Variants in CTSV observed in about 807,000 individuals in gnomAD.
CTSV encodes cathepsin V.
CTSV carries 33 observed loss-of-function variants against 35.6 expected under a neutral mutation model. That is an observed-to-expected ratio of 0.93 (90% CI 0.70 to 1.24). The LOEUF is 1.24. CTSV is among the 50% of genes most tolerant of loss of function. The probability of loss-of-function intolerance (pLI) is 0.00; values close to 1 mark genes in which losing one functional copy is unlikely to be tolerated. For synonymous variants in CTSV, 154 were observed against 147.1 expected (o/e 1.05, Z -0.34); for missense variants, 408 against 413.1 (o/e 0.99, Z 0.11).
rs762357078 is a variant in CTSV, at chr9:97,035,623, C to G, written c.692G>C (p.Gly231Ala). Residue 231 changes from glycine (G) to alanine (A), a missense_variant, in exon 6 of 8, where the codon GGA becomes GCA. Transcript: ENST00000259470. ...TGCTTTCATCAGGGCCTTCTCCTTT[C>G]CAGGTGCGACCACTGTGAAGCCAGT... ...NDTGFTVVAP[G>A]KEKALMKAVA... 1 of 1,605,248 alleles carries G rather than the reference C, an allele frequency of 6.2e-7. No individual in the cohort carries two copies. Among genetic ancestry groups the G allele is most frequent in the South Asian group, 1.1e-5 (1 of 89,698 alleles).
Position 97,035,531 on chromosome 9 carries a change from A to T in CTSV, c.784T>A (p.Ser262Thr). 6.6e-7 allele frequency: 1 copy of T among 1,525,090 alleles called. No individual in the cohort carries two copies. The highest frequency in any genetic ancestry group is 8.8e-7 in the Non-Finnish European group (1 of 1,130,596). 94.5% of individuals were successfully genotyped at this position (1,525,090 alleles called of 1,614,324 possible). ...AGHSSFQFYK[S>T]GIYFEPDCSS... Reference sequence around the variant, plus strand: ...TCTATAATAAAATGACACTTACCTGATTTGTAGAACTGGAAGGACGAATGG... The same window carrying T: ...TCTATAATAAAATGACACTTACCTGTTTTGTAGAACTGGAAGGACGAATGG... Residue 262 changes from serine (S) to threonine (T), a missense_variant, in exon 6 of 8, where the codon TCA (serine) becomes ACA (threonine). Ser to Thr is a moderately conservative substitution (Grantham distance 58). Coordinates refer to ENST00000259470, the MANE Select transcript of CTSV (RefSeq NM_001333.4).
chr9:97,033,371 G>A (rs1160960861), intron 7 of CTSV, among the ~76,000 whole-genome samples: 1 of 151,746 alleles, frequency 6.6e-6, no homozygotes, highest in Non-Finnish European at 1.5e-5. Context: ...CACTTTGGGA[G>A]GCTGAGGCGG....
At position 97,035,528 on chromosome 9, in the gene CTSV, C is replaced by A; in HGVS notation, c.787G>T (p.Gly263Cys). The change falls in exon 6 of 8, where the codon GGC becomes TGC. Residue 263 changes from glycine to cysteine, a missense_variant and splice_region_variant. Physicochemically the swap from Gly to Cys is radical, Grantham distance 159. Transcript: ENST00000259470. Reference protein sequence around the residue: ...GHSSFQFYKSGIYFEPDCSSK... With the variant: ...GHSSFQFYKSCIYFEPDCSSK... ...ATTTCTATAATAAAATGACACTTACCTGATTTGTAGAACTGGAAGGACGAA... is the reference window on the plus strand; with the variant it reads ...ATTTCTATAATAAAATGACACTTACATGATTTGTAGAACTGGAAGGACGAA... 6.7e-7 allele frequency: 1 copy of A among 1,500,522 alleles called. No homozygotes were observed. The highest frequency in any genetic ancestry group is 9.0e-7 in the Non-Finnish European group (1 of 1,116,972). 93.0% of individuals were successfully genotyped at this position (1,500,522 alleles called of 1,614,324 possible).
At chr9:97,039,519 A>G (rs1286491844), upstream of CTSV, 1 of 152,396 alleles carries the variant, frequency 6.6e-6, no homozygotes, top group Admixed American at 6.5e-5. Context: ...GCCGGGAGCC[A>G]GGGTACTCTC....
chr9:97,034,815 G>A lies in CTSV; in HGVS notation c.816C>T (p.Ser272=), dbSNP rs1828818292. 1 of 1,613,910 alleles carries A rather than the reference G, an allele frequency of 6.2e-7. No individual in the cohort carries two copies. The highest frequency in any genetic ancestry group is 8.5e-7 in the Non-Finnish European group (1 of 1,180,006). ...SGIYFEPDCS[S]KNLDHGVLVV... ...CCAGAACACCATGATCCAGGTTTTT[G>A]CTGCTGCAGTCTGGTTCAAAATAAA... is the stretch of plus-strand genomic sequence containing the variant. Residue 272 remains serine (S), a synonymous_variant, in exon 7 of 8, where the codon AGC becomes AGT. Coordinates refer to ENST00000259470, the MANE Select transcript of CTSV (RefSeq NM_001333.4).
chr9:97,039,607 C>T (rs763098892), upstream of CTSV: 2 of 152,018 alleles, frequency 1.3e-5, no homozygotes, highest in Non-Finnish European at 2.9e-5. Context: ...GAAGCATTAC[C>T]TTCCACTTAA....
intron 6 of CTSV, 21 bp downstream of exon 6, chr9:97,035,507 C>T: frequency 6.9e-7 from 1 of 1,458,018 alleles, no homozygotes. Context: ...GCCTAAATTT[C>T]TATAATAAAA....
In CTSV at chr9:97,034,733, T is replaced by G. The variant is rs1366131568; in HGVS notation, c.898A>C (p.Lys300Gln). 1 of 1,613,236 alleles carries G rather than the reference T, an allele frequency of 6.2e-7. No individual in the cohort carries two copies. Among genetic ancestry groups the G allele is most frequent in the Non-Finnish European group, 8.5e-7 (1 of 1,179,296 alleles). Residue 300 changes from lysine to glutamine, a missense_variant, in exon 7 of 8, where the codon AAA becomes CAA. Physicochemically the swap from Lys to Gln is moderately conservative, Grantham distance 53. Transcript: ENST00000259470. ...NSNNSKYWLV[K>Q]NSWGPEWGSN... ...CAATTTTGAGTTTTATACCTGTTTT[T>G]GACGAGCCAATACTTGCTGTTATTC...
chr9:97,034,523 C>T (rs1828811395), intron 7 of CTSV, among the ~76,000 whole-genome samples: 2 of 152,136 alleles, frequency 1.3e-5, no homozygotes, highest in Non-Finnish European at 2.9e-5. Flanking sequence ...TAAAAATTTT[C>T]AAAACTTAGT....
At position 97,038,072 on chromosome 9, in the gene CTSV, T is replaced by A; in HGVS notation, c.-10-19A>T. The A allele has an allele frequency of 6.2e-7, 1 of 1,610,696 alleles. No homozygotes were observed. The highest frequency in any genetic ancestry group is 8.5e-7 in the Non-Finnish European group (1 of 1,177,736). ...TCAAAACCTAGAAAGAGAAAAGAAA[T>A]GAGTATCTGATTAGACCAATCCTAA... On this transcript the variant is annotated intron_variant, in intron 1 of 7. Transcript: ENST00000259470.
rs906608397 is a variant in CTSV, at chr9:97,038,746, G to A, written c.-11+325C>T. On this transcript the variant is annotated intron_variant, in intron 1 of 7. Coordinates refer to ENST00000259470, the MANE Select transcript of CTSV (RefSeq NM_001333.4). ...GCCGCACCGCCTGCTCTCGCCCTCT[G>A]CACGCGCCGCCGCGCCCCGAGAATG... Among the ~76,000 whole-genome samples the A allele has an allele frequency of 2.6e-4, 40 of 152,160 alleles. 1 individual carries two copies. The highest frequency in any genetic ancestry group is 5.7e-4 in the Non-Finnish European group (39 of 68,002).
At position 97,033,030 on chromosome 9, in the gene CTSV, G is replaced by A; in HGVS notation, c.924C>T (p.Gly308=). The change falls in exon 8 of 8, where the codon GGC becomes GGT. Residue 308 remains glycine (G), a synonymous_variant. Transcript: ENST00000259470. ...TGGCTATTTTTACATAGCCATTCGAGCCCCATTCTGGACCCCAGCTGAAAG... is the reference window on the plus strand; with the variant it reads ...TGGCTATTTTTACATAGCCATTCGAACCCCATTCTGGACCCCAGCTGAAAG... The part of the protein sequence containing the change: ...LVKNSWGPEW[G]SNGYVKIAKD... 1 of 1,612,266 alleles carries A rather than the reference G, an allele frequency of 6.2e-7. No individual in the cohort carries two copies. Among genetic ancestry groups the A allele is most frequent in the Non-Finnish European group, 8.5e-7 (1 of 1,179,272 alleles).
intron 1 of CTSV, 72 bp from the exon 2 acceptor site, chr9:97,038,125 A>G: frequency 1.4e-6 from 2 of 1,453,266 alleles, no homozygotes; most frequent in East Asian, 2.3e-5. Flanking sequence ...CCCGTGGAAT[A>G]GAAATATTTC....
At chr9:97,036,011 G>T (rs10118886) in intron 5 of CTSV, among the ~76,000 whole-genome samples, 39,576 of 151,818 alleles carry the variant, frequency 0.26, 7,192 homozygotes, top group African/African-American at 0.5. Flanking sequence ...CCATCTAATG[G>T]TACTTATATG....
chr9:97,039,093 G>C lies in CTSV; in HGVS notation c.-33C>G, dbSNP rs1004063262. On this transcript the variant is annotated 5_prime_UTR_variant, in exon 1 of 8. Coordinates refer to ENST00000259470, the MANE Select transcript of CTSV (RefSeq NM_001333.4). Reference sequence around the variant, plus strand: ...CACCAGCAGCCGTCGCAGCTGCGCAGGCACCCTCAGCAAACAAGCCTCTGA... The same window carrying C: ...CACCAGCAGCCGTCGCAGCTGCGCACGCACCCTCAGCAAACAAGCCTCTGA... The C allele has an allele frequency of 6.5e-6, 1 of 152,682 alleles. No individual in the cohort carries two copies. The highest frequency in any genetic ancestry group is 2.4e-5 in the African/African-American group (1 of 41,468). 9.5% of individuals were successfully genotyped at this position (152,682 alleles called of 1,614,324 possible).
At chr9:97,034,614 T>C (rs1052071152) in intron 7 of CTSV, 112 bp downstream of exon 7, 4 of 770,838 alleles carry the variant, frequency 5.2e-6, no homozygotes, top group Admixed American at 4.0e-5. Context: ...TATTTCTGTG[T>C]TCACTCTAAG....
Position 97,032,868 on chromosome 9 carries a change from C to T in CTSV, c.*81G>A, listed in dbSNP as rs996760664. 7.6e-6 allele frequency: 7 copies of T among 926,644 alleles called. No homozygotes were observed. The highest frequency in any genetic ancestry group is 1.6e-5 in the African/African-American group (1 of 60,972). The allele number at this position is 926,644 out of a possible 1,614,324, so 57.4% of individuals were successfully genotyped here. On this transcript the variant is annotated 3_prime_UTR_variant, in exon 8 of 8. Transcript: ENST00000259470. The stretch of plus-strand genomic sequence containing the variant: ...AATGATTCAACTGGTTTATCTTACA[C>T]AATAAGCGTTTGGTCAGTTTCAAGA...
chr9:97,033,957 T>C (rs757061790), intron 7 of CTSV, among the ~76,000 whole-genome samples: 39 of 146,076 alleles, frequency 2.7e-4, no homozygotes, highest in Non-Finnish European at 4.7e-4. Flanking sequence ...ATTAGCTGGG[T>C]ATGGTAGCAC....
At chr9:97,038,077 A>G (rs1260907093) in intron 1 of CTSV, 24 bp from the exon 2 acceptor site, 2 of 1,609,760 alleles carry the variant, frequency 1.2e-6, no homozygotes, top group Admixed American at 1.7e-5. Context: ...AGAAATGAGT[A>G]TCTGATTAGA....
Sources: gnomAD v4.1 joint callset for allele counts (sites outside exome capture counted in the v4.1 genomes callset) on GRCh38, gnomAD v4.1.1 for gene constraint, MANE v1.5 for transcripts, NCBI Gene and HGNC (gene_info 2026-07-23, HGNC 2026-07-21) for gene names.